Variants in CILK1 observed in about 807,000 individuals in gnomAD.
CILK1 encodes serine/threonine-protein kinase ICK.
In CILK1, 47 loss-of-function variants were observed where a neutral mutation model predicts 79.2. The ratio of observed to expected loss-of-function variants is 0.59; its 90% CI spans 0.47 to 0.76. The LOEUF is 0.76. Ranked by LOEUF, CILK1 falls within the 30% of genes least tolerant of loss-of-function variation. CILK1 has a pLI of 0.00. For synonymous variants in CILK1, 266 were observed against 275.9 expected (o/e 0.96, Z 0.36); for missense variants, 660 against 769.5 (o/e 0.86, Z 1.68).
chr6:53,024,747 T>C (rs1489857433), intron 5 of CILK1, among the ~76,000 whole-genome samples: 1 of 152,088 alleles, frequency 6.6e-6, no homozygotes, highest in Non-Finnish European at 1.5e-5. Flanking sequence ...GGGCGGTAGA[T>C]GAATTACTCC....
chr6:53,044,990 T>C (rs1392199703), intron 1 of CILK1, among the ~76,000 whole-genome samples: 1 of 152,242 alleles, frequency 6.6e-6, no homozygotes, highest in African/African-American at 2.4e-5. Flanking sequence ...ATAGGATCTA[T>C]GGGTATTCTT....
intron 12 of CILK1, among the ~76,000 whole-genome samples, chr6:53,007,619 C>T (rs924183146): frequency 3.3e-5 from 5 of 152,076 alleles, no homozygotes; most frequent in Admixed American, 1.3e-4. Flanking sequence ...TGAAGATGAG[C>T]ACACCCTTTA....
chr6:53,007,287 T>C (rs1764284688), intron 12 of CILK1, among the ~76,000 whole-genome samples: 1 of 152,208 alleles, frequency 6.6e-6, no homozygotes, highest in Non-Finnish European at 1.5e-5. Context: ...AAACACAGTC[T>C]AGAATGCCTG....
At chr6:53,019,467 G>T in intron 5 of CILK1, 108 bp from the exon 6 acceptor site, 2 of 1,264,162 alleles carry the variant, frequency 1.6e-6, no homozygotes, top group Non-Finnish European at 2.2e-6. Context: ...AAGTAGTCTG[G>T]CATGGCACCA....
chr6:53,013,584 G>T, intron 9 of CILK1, 78 bp downstream of exon 9: 1 of 1,405,996 alleles, frequency 7.1e-7, no homozygotes, highest in Non-Finnish European at 1.0e-6. Context: ...TACTGAAAAA[G>T]AAAATATTTC....
At chr6:53,017,642 C>T (rs1764969452) in intron 7 of CILK1, among the ~76,000 whole-genome samples, 2 of 152,220 alleles carry the variant, frequency 1.3e-5, no homozygotes, top group East Asian at 3.8e-4. Context: ...AGTGAAAATA[C>T]TTCAAGGCAG....
Position 53,013,738 on chromosome 6 carries a change from T to C in CILK1, c.1076A>G (p.Asp359Gly). 1 of 1,614,116 alleles carries C rather than the reference T, an allele frequency of 6.2e-7. No individual in the cohort carries two copies. The highest frequency in any genetic ancestry group is 8.5e-7 in the Non-Finnish European group (1 of 1,180,022). Residue 359 changes from aspartate to glycine, a missense_variant, in exon 9 of 14, where the codon GAT becomes GGT. Coordinates refer to ENST00000676107, the MANE Select transcript of CILK1 (RefSeq NM_014920.5). The part of the protein sequence containing the change: ...YPYKAEVSRT[D>G]HPSHLQEDKP... Reference sequence around the variant, plus strand: ...GTCCTCCTGGAGATGGCTTGGGTGATCTGTCCTGGAGACCTCTGCTTTGTA... The same window carrying C: ...GTCCTCCTGGAGATGGCTTGGGTGACCTGTCCTGGAGACCTCTGCTTTGTA...
At chr6:53,047,386 C>T (rs1334006054) in intron 1 of CILK1, among the ~76,000 whole-genome samples, 1 of 151,194 alleles carries the variant, frequency 6.6e-6, no homozygotes, top group Non-Finnish European at 1.5e-5. Flanking sequence ...CTCACTGTGG[C>T]CTCAACCTCC....
chr6:53,050,852 A>G (rs949399970), intron 1 of CILK1, among the ~76,000 whole-genome samples: 6 of 152,192 alleles, frequency 3.9e-5, no homozygotes, highest in Admixed American at 1.3e-4. Context: ...TTTAATTTAA[A>G]AAAGCATATA....
At position 53,006,367 on chromosome 6, in the gene CILK1, G is replaced by A. The variant is rs752631250; in HGVS notation, c.1692C>T (p.Ile564=). The change falls in exon 13 of 14, where the codon ATC becomes ATT. Residue 564 remains isoleucine, a synonymous_variant. Coordinates refer to ENST00000676107, the MANE Select transcript of CILK1 (RefSeq NM_014920.5). The part of the protein sequence containing the change: ...NYVPSFLKKE[I]GSAMQRVHLA... ...GGTGTACCCTCTGCATAGCAGAACC[G>A]ATTTCTTTTTTCAGAAAGGAAGGGA... 9 of 1,613,620 alleles carry A rather than the reference G, an allele frequency of 5.6e-6. No homozygotes were observed. In the East Asian group the frequency reaches 6.7e-5, roughly 12 times the overall value.
intron 1 of CILK1, among the ~76,000 whole-genome samples, chr6:53,043,323 T>C (rs1250005701): frequency 2.0e-5 from 3 of 151,018 alleles, no homozygotes; most frequent in East Asian, 3.9e-4. Flanking sequence ...CTCAAAAATA[T>C]ATATATATAT....
chr6:53,048,526 A>C (rs1247092013), intron 1 of CILK1, among the ~76,000 whole-genome samples: 3 of 152,238 alleles, frequency 2.0e-5, no homozygotes, highest in Non-Finnish European at 4.4e-5. Flanking sequence ...GTGGTTAAAT[A>C]CATTTGAGAA....
chr6:53,046,832 T>C (rs769857345), intron 1 of CILK1, among the ~76,000 whole-genome samples: 66 of 152,182 alleles, frequency 4.3e-4, no homozygotes, highest in Non-Finnish European at 7.9e-4. Flanking sequence ...GAGAATGCAG[T>C]AGACAGCAAC....
chr6:53,045,439 C>T (rs142804481), intron 1 of CILK1, among the ~76,000 whole-genome samples: 4 of 152,254 alleles, frequency 2.6e-5, no homozygotes, highest in African/African-American at 4.8e-5. Context: ...TAGTAGAAAT[C>T]GTATTTCGAG....
chr6:53,015,977 G>C, intron 8 of CILK1, 106 bp downstream of exon 8: 2 of 1,142,664 alleles, frequency 1.8e-6, no homozygotes, highest in Non-Finnish European at 1.3e-6. Context: ...GTGGTATTCT[G>C]TACTATTTCT....
chr6:53,010,090 A>C (rs974506369), intron 11 of CILK1, among the ~76,000 whole-genome samples: 1 of 152,134 alleles, frequency 6.6e-6, no homozygotes, highest in Non-Finnish European at 1.5e-5. Context: ...ACAACCAAAA[A>C]GAAATAAAAT....
intron 1 of CILK1, among the ~76,000 whole-genome samples, chr6:53,047,464 CTTTTTTTTTTT>C (rs60611050): frequency 1.4e-5 from 1 of 70,746 alleles, no homozygotes; most frequent in Non-Finnish European, 2.7e-5. Flanking sequence ...CACTACCAGG[CTTTTTTTTTTT>C]TTTTTTTTTT....
chr6:53,026,826 C>T (rs1349042938), intron 5 of CILK1, among the ~76,000 whole-genome samples: 3 of 152,180 alleles, frequency 2.0e-5, no homozygotes, highest in Non-Finnish European at 2.9e-5. Flanking sequence ...GTTTGACTTC[C>T]AGAAGACAGG....
Position 53,003,952 on chromosome 6 carries a change from A to G in CILK1, c.*1197T>C, listed in dbSNP as rs1024723477. On this transcript the variant is annotated 3_prime_UTR_variant, in exon 14 of 14. Coordinates refer to ENST00000676107, the MANE Select transcript of CILK1 (RefSeq NM_014920.5). ...GGACCTTTTGTCTTTTTCTGTCTCCAAACTGACTTTGTCATTTTTGAAACT... is the reference window on the plus strand; with the variant it reads ...GGACCTTTTGTCTTTTTCTGTCTCCGAACTGACTTTGTCATTTTTGAAACT... 1 of 152,662 alleles carries G rather than the reference A, an allele frequency of 6.6e-6. No individual in the cohort carries two copies. The highest frequency in any genetic ancestry group is 2.4e-5 in the African/African-American group (1 of 41,454). The allele number at this position is 152,662 out of a possible 1,614,324, so 9.5% of individuals were successfully genotyped here. A position where few individuals can be genotyped will look rare whatever the true frequency, so the allele number is the denominator to read the frequency against.
Sources: gnomAD v4.1 joint callset for allele counts (sites outside exome capture counted in the v4.1 genomes callset) on GRCh38, gnomAD v4.1.1 for gene constraint, MANE v1.5 for transcripts, NCBI Gene and HGNC (gene_info 2026-07-23, HGNC 2026-07-21) for gene names.